The following NAV3 variants were observed in gnomAD, a reference collection of about 807,000 sequenced individuals.
The protein encoded by NAV3 is pore membrane and/or filament interacting like protein 1.
NAV3 carries 87 observed loss-of-function variants against 244.7 expected under a neutral mutation model. The ratio of observed to expected loss-of-function variants is 0.36; its 90% CI spans 0.30 to 0.42. The LOEUF (loss-of-function observed/expected upper bound fraction) is 0.42, where lower values mean the gene tolerates loss of function less well. NAV3 is among the 20% of genes least tolerant of loss of function. The probability of loss-of-function intolerance (pLI) is 1.00; values close to 1 mark genes in which losing one functional copy is unlikely to be tolerated. For synonymous variants in NAV3, 1,126 were observed against 1,042.2 expected (o/e 1.08, Z -1.55); for missense variants, 2,663 against 2,893.3 (o/e 0.92, Z 1.83).
rs897583197 is a variant in NAV3 at position 77,720,732 on chromosome 12, C to T, written c.72+148466C>T. On this transcript the variant is annotated intron_variant, in intron 2 of 8. Coordinates refer to the NAV3 transcript ENST00000550042. ...GCAACTATGGCCAGGGAGTACAACA[C>T]GTTTTTCTGCCAGCTTTGATGCAGT... 4.6e-5 allele frequency among the ~76,000 whole-genome samples: 7 copies of T among 152,140 alleles called. No individual in the cohort carries two copies. In the East Asian group the frequency reaches 9.7e-4, roughly 21 times the overall value.
At chr12:78,074,375 C>T (rs1382574870) in intron 12 of NAV3, among the ~76,000 whole-genome samples, 1 of 152,150 alleles carries the variant, frequency 6.6e-6, no homozygotes. Flanking sequence ...ACAGAAAAGA[C>T]GACACCTGAA....
At chr12:77,739,753 T>G (rs911566796) in intron 2 of NAV3, among the ~76,000 whole-genome samples, 4 of 152,120 alleles carry the variant, frequency 2.6e-5, no homozygotes, top group African/African-American at 9.7e-5. Context: ...ACTCAACTCT[T>G]CAGATCCCAG....
At chr12:77,905,398 A>G (rs1027678450) in intron 1 of NAV3, among the ~76,000 whole-genome samples, 4 of 152,134 alleles carry the variant, frequency 2.6e-5, no homozygotes, top group Non-Finnish European at 5.9e-5. Flanking sequence ...TTTATAGGGA[A>G]AAAATTACTA....
chr12:78,020,219 A>G (rs1466904922), intron 8 of NAV3, among the ~76,000 whole-genome samples: 1 of 151,918 alleles, frequency 6.6e-6, no homozygotes, highest in Non-Finnish European at 1.5e-5. Flanking sequence ...AAAATGGGAA[A>G]CACACTGGAG....
In NAV3 at chr12:78,006,737, C is replaced by G. The variant is rs370224002; in HGVS notation, c.1199C>G (p.Pro400Arg). Residue 400 changes from proline (P) to arginine (R), a missense_variant, in exon 8 of 40, where the codon CCG becomes CGG. Transcript: ENST00000397909. ...LVNARTALRPPQPPSSGPSDG... is the reference protein window; with the variant it reads ...LVNARTALRPRQPPSSGPSDG... ...AATGCCCGGACTGCTTTACGCCCCC[C>G]GCAGCCTCCCAGTTCAGGACCTAGT... is the stretch of plus-strand genomic sequence containing the variant. 1.2e-6 allele frequency: 2 copies of G among 1,614,062 alleles called. No homozygotes were observed. The highest frequency in any genetic ancestry group is 1.3e-5 in the African/African-American group (1 of 74,994).
intron 17 of NAV3, 146 bp from the exon 18 acceptor site, chr12:78,128,560 C>A: frequency 1.3e-6 from 1 of 768,612 alleles, no homozygotes; most frequent in Non-Finnish European, 1.9e-6. Context: ...GTAAGATCAT[C>A]TGGAAGAACT....
At chr12:78,011,592 T>C (rs1234142119) in intron 8 of NAV3, among the ~76,000 whole-genome samples, 3 of 152,192 alleles carry the variant, frequency 2.0e-5, no homozygotes, top group Non-Finnish European at 4.4e-5. Flanking sequence ...CCGAATTTGA[T>C]ATTCTACAAT....
chr12:77,673,130 A>G (rs796157932), intron 2 of NAV3, among the ~76,000 whole-genome samples: 13 of 152,300 alleles, frequency 8.5e-5, no homozygotes, highest in African/African-American at 2.6e-4. Context: ...TCACACCTAA[A>G]CATTACACCA....
intron 2 of NAV3, among the ~76,000 whole-genome samples, chr12:77,770,883 C>T (rs1205591539): frequency 6.6e-6 from 1 of 152,092 alleles, no homozygotes; most frequent in Non-Finnish European, 1.5e-5. Context: ...ACACCAAAAG[C>T]AATGGCAACA....
At chr12:77,636,946 C>T (rs1421611276) in intron 2 of NAV3, among the ~76,000 whole-genome samples, 4 of 151,904 alleles carry the variant, frequency 2.6e-5, no homozygotes, top group Admixed American at 2.0e-4. Context: ...ACCATGAGAA[C>T]ACATGGACAC....
In NAV3 at chr12:77,645,131, C is replaced by G. The variant is rs916050447; in HGVS notation, c.72+72865C>G. On this transcript the variant is annotated intron_variant, in intron 2 of 8. Coordinates refer to the NAV3 transcript ENST00000550042. ...CTGGGATCTCAGCTTCTCAGCTGGC[C>G]ATCTACCCACAAAGGCCAGATGGAA... 2.0e-5 allele frequency among the ~76,000 whole-genome samples: 3 copies of G among 152,046 alleles called. No homozygotes were observed. In the East Asian group the frequency reaches 5.8e-4, roughly 29 times the overall value.
intron 15 of NAV3, among the ~76,000 whole-genome samples, chr12:78,120,726 T>C (rs922336913): frequency 2.0e-5 from 3 of 152,216 alleles, no homozygotes; most frequent in African/African-American, 7.2e-5. Context: ...TGGGGACAAA[T>C]ATCTAAACCT....
At chr12:77,759,472 T>C (rs1163111874) in intron 2 of NAV3, among the ~76,000 whole-genome samples, 1 of 152,216 alleles carries the variant, frequency 6.6e-6, no homozygotes, top group Admixed American at 6.5e-5. Flanking sequence ...CAGGAAACTA[T>C]AAATTGAACT....
chr12:77,874,641 T>A lies in NAV3; in HGVS notation c.243+42937T>A, dbSNP rs181857040. On this transcript the variant is annotated intron_variant, in intron 1 of 39. Transcript: ENST00000397909. Reference sequence around the variant, plus strand: ...AAAAAAATCTAATTTCACTCTATATTGTCTTATTAGTGAATGTGTGTAAAG... The same window carrying A: ...AAAAAAATCTAATTTCACTCTATATAGTCTTATTAGTGAATGTGTGTAAAG... Among the ~76,000 whole-genome samples, 637 of 152,278 alleles carry A rather than the reference T, an allele frequency of 4.2e-3. 4 individuals are homozygous for A. The highest frequency in any genetic ancestry group is 0.015 in the African/African-American group (615 of 41,570).
intron 2 of NAV3, among the ~76,000 whole-genome samples, chr12:77,618,173 T>C (rs1871216507): frequency 6.6e-6 from 1 of 152,230 alleles, no homozygotes; most frequent in African/African-American, 2.4e-5. Flanking sequence ...CAGATGACTG[T>C]AACCTCAGCT....
intron 2 of NAV3, among the ~76,000 whole-genome samples, chr12:77,599,542 T>C (rs1317764689): frequency 1.3e-5 from 2 of 151,858 alleles, no homozygotes; most frequent in South Asian, 2.1e-4. Flanking sequence ...ATGATCTCAC[T>C]GGTTTAAGAT....
At chr12:78,131,550 A>G (rs1956166369) in intron 18 of NAV3, among the ~76,000 whole-genome samples, 1 of 152,180 alleles carries the variant, frequency 6.6e-6, no homozygotes, top group Non-Finnish European at 1.5e-5. Context: ...CTTGCTAAGT[A>G]CTTCATGTCT....
chr12:78,036,559 G>A (rs1475099002), intron 9 of NAV3: 2 of 235,566 alleles, frequency 8.5e-6, no homozygotes, highest in African/African-American at 2.2e-5. Context: ...GGATGAAGAC[G>A]GGCAAACGTA....
chr12:77,937,434 A>G (rs576724622), intron 1 of NAV3, among the ~76,000 whole-genome samples: 28 of 152,360 alleles, frequency 1.8e-4, no homozygotes, highest in Admixed American at 3.9e-4. Flanking sequence ...AACTGTTGAC[A>G]TGCATTTGGA....
Sources: allele counts gnomAD v4.1 joint callset (sites outside exome capture counted in the v4.1 genomes callset), GRCh38; gene constraint gnomAD v4.1.1; transcripts MANE v1.5; gene names NCBI Gene and HGNC (gene_info 2026-07-23, HGNC 2026-07-21).